Variants in RNLS observed in about 807,000 individuals in gnomAD.
RNLS encodes renalase.
In RNLS, 39 loss-of-function variants were observed where a neutral mutation model predicts 39.8. The ratio of observed to expected loss-of-function variants is 0.98; its 90% CI spans 0.76 to 1.28. RNLS has a LOEUF of 1.28. RNLS is among the 50% of genes most tolerant of loss of function. RNLS has a pLI of 0.00. For missense variants in RNLS, 410 were observed against 413.3 expected (o/e 0.99, Z 0.07); for synonymous variants, 147 against 150.7 (o/e 0.98, Z 0.18).
intron 4 of RNLS, among the ~76,000 whole-genome samples, chr10:88,446,678 A>G (rs1035155928): frequency 3.9e-5 from 6 of 152,040 alleles, no homozygotes; most frequent in African/African-American, 1.4e-4. Flanking sequence ...AGAGAATACT[A>G]TAAACACCTC....
chr10:88,218,750 T>A, the RNLS span, among the ~76,000 whole-genome samples: 1 of 152,222 alleles, frequency 6.6e-6, no homozygotes, highest in Non-Finnish European at 1.5e-5. Context: ...AATCACCATT[T>A]AAAGTGGTGA....
chr10:88,510,409 CT>C (rs750151980), intron 4 of RNLS, among the ~76,000 whole-genome samples: 5 of 152,012 alleles, frequency 3.3e-5, no homozygotes, highest in Non-Finnish European at 5.9e-5. Flanking sequence ...CCCTTAAAAA[CT>C]CCACTGACTC....
chr10:88,285,338 A>G lies in RNLS; in HGVS notation c.*16T>C. 1 of 1,596,984 alleles carries G rather than the reference A, an allele frequency of 6.3e-7. No individual in the cohort carries two copies. Among genetic ancestry groups the G allele is most frequent in the South Asian group, 1.1e-5 (1 of 88,922 alleles). On this transcript the variant is annotated 3_prime_UTR_variant, in exon 7 of 7. Transcript: ENST00000331772. ...ATAAAAACCCAATACACATGTAGAGAATAAGGATATAGGCACTAAATATAA... is the reference window on the plus strand; with the variant it reads ...ATAAAAACCCAATACACATGTAGAGGATAAGGATATAGGCACTAAATATAA...
chr10:88,379,655 A>G (rs1851296781), intron 4 of RNLS, among the ~76,000 whole-genome samples: 1 of 152,194 alleles, frequency 6.6e-6, no homozygotes, highest in South Asian at 2.1e-4. Flanking sequence ...CAACTTTTCT[A>G]TCAAGAGGTA....
At chr10:88,487,880 C>T (rs143122182) in intron 4 of RNLS, among the ~76,000 whole-genome samples, 130 of 152,154 alleles carry the variant, frequency 8.5e-4, no homozygotes, top group African/African-American at 3.1e-3. Flanking sequence ...AAAAGGGATA[C>T]TAATCAGCAA....
At chr10:88,522,744 C>G (rs531935984) in intron 4 of RNLS, among the ~76,000 whole-genome samples, 1 of 151,862 alleles carries the variant, frequency 6.6e-6, no homozygotes, top group South Asian at 2.1e-4. Flanking sequence ...GAAAATTGGC[C>G]CCAAAGAGAA....
chr10:88,537,284 T>G (rs550042365), intron 4 of RNLS, among the ~76,000 whole-genome samples: 4 of 152,322 alleles, frequency 2.6e-5, no homozygotes, highest in African/African-American at 9.6e-5. Context: ...GATCAGAAGT[T>G]ATTGAGTTAT....
At chr10:88,579,050 TA>T (rs1850374022) in intron 3 of RNLS, among the ~76,000 whole-genome samples, 1 of 152,202 alleles carries the variant, frequency 6.6e-6, no homozygotes, top group Non-Finnish European at 1.5e-5. Flanking sequence ...CAAATTTATT[TA>T]ATCATAGTTT....
intron 4 of RNLS, among the ~76,000 whole-genome samples, chr10:88,391,983 C>G (rs1852233166): frequency 6.6e-6 from 1 of 152,244 alleles, no homozygotes; most frequent in Non-Finnish European, 1.5e-5. Context: ...GGTTAGCGCT[C>G]TCTCCAAACT....
chr10:88,556,265 C>G (rs1418772456), intron 4 of RNLS, among the ~76,000 whole-genome samples: 1 of 152,124 alleles, frequency 6.6e-6, no homozygotes, highest in African/African-American at 2.4e-5. Flanking sequence ...AATCAAGTGT[C>G]TGTAGCAACC....
chr10:88,251,856 C>T, the RNLS span, among the ~76,000 whole-genome samples: 1 of 152,194 alleles, frequency 6.6e-6, no homozygotes, highest in Non-Finnish European at 1.5e-5. Flanking sequence ...ATCTGAGGCC[C>T]AGGTCCAGGA....
In RNLS at chr10:88,314,589, T is replaced by C; in HGVS notation, c.753A>G (p.Gly251=). ...SLVIHTTVPF[G]VTYLEHSIED... Reference sequence around the variant, plus strand: ...CAATGCTGTGTTCCAAGTATGTAACTCCAAATGGGACAGTGGTGTGAATCA... The same window carrying C: ...CAATGCTGTGTTCCAAGTATGTAACCCCAAATGGGACAGTGGTGTGAATCA... Residue 251 remains glycine, a synonymous_variant, in exon 6 of 7, where the codon GGA becomes GGG. Coordinates refer to ENST00000331772, the MANE Select transcript of RNLS (RefSeq NM_001031709.3). 2 of 1,613,916 alleles carry C rather than the reference T, an allele frequency of 1.2e-6. No individual in the cohort carries two copies. The highest frequency in any genetic ancestry group is 1.7e-6 in the Non-Finnish European group (2 of 1,179,870).
intron 5 of RNLS, among the ~76,000 whole-genome samples, chr10:88,329,479 G>A (rs1222103317): frequency 6.8e-6 from 1 of 147,398 alleles, no homozygotes; most frequent in Admixed American, 6.7e-5. Flanking sequence ...TAAGATTTGA[G>A]GTTTTTTTTG....
chr10:88,553,156 G>A (rs752982940), intron 4 of RNLS, among the ~76,000 whole-genome samples: 3 of 152,134 alleles, frequency 2.0e-5, no homozygotes, highest in Non-Finnish European at 4.4e-5. Context: ...AATGGATGGA[G>A]TTCATTTTGA....
rs187033444 is a variant in RNLS, at chr10:88,542,049, T to C, written c.526+30854A>G. Reference sequence around the variant, plus strand: ...TTCCTTGGAGGACCAGTTATATGACTGTAAGAGCCCCTTTCCACTGAGTTT... The same window carrying C: ...TTCCTTGGAGGACCAGTTATATGACCGTAAGAGCCCCTTTCCACTGAGTTT... On this transcript the variant is annotated intron_variant, in intron 4 of 6. Coordinates refer to ENST00000331772, the MANE Select transcript of RNLS (RefSeq NM_001031709.3). 1.2e-4 allele frequency among the ~76,000 whole-genome samples: 18 copies of C among 152,260 alleles called. No homozygotes were observed. In the East Asian group the frequency reaches 3.1e-3, roughly 26 times the overall value.
intron 5 of RNLS, among the ~76,000 whole-genome samples, chr10:88,320,074 A>G (rs182118024): frequency 6.6e-6 from 1 of 152,194 alleles, no homozygotes; most frequent in African/African-American, 2.4e-5. Flanking sequence ...AGGAAATACC[A>G]TTAGACTAAC....
At chr10:88,174,067 T>C in the RNLS span, among the ~76,000 whole-genome samples, 1 of 152,116 alleles carries the variant, frequency 6.6e-6, no homozygotes, top group Non-Finnish European at 1.5e-5. Flanking sequence ...TTATTGGTAT[T>C]AGAAGCATTA....
chr10:88,529,882 C>T (rs1299829115), intron 4 of RNLS, among the ~76,000 whole-genome samples: 1 of 152,178 alleles, frequency 6.6e-6, no homozygotes, highest in Admixed American at 6.6e-5. Context: ...TGTTTCTTCT[C>T]CCTCTCCCAC....
intron 4 of RNLS, among the ~76,000 whole-genome samples, chr10:88,554,479 T>C (rs2134352911): frequency 6.6e-6 from 1 of 152,166 alleles, no homozygotes; most frequent in South Asian, 2.1e-4. Context: ...CTAGCTATCC[T>C]ACTATATTCT....
Sources: gnomAD v4.1 joint callset for allele counts (sites outside exome capture counted in the v4.1 genomes callset) on GRCh38, gnomAD v4.1.1 for gene constraint, MANE v1.5 for transcripts, NCBI Gene and HGNC (gene_info 2026-07-23, HGNC 2026-07-21) for gene names.